Variants in NAV2 observed in about 807,000 individuals in gnomAD.
The protein encoded by NAV2 is helicase, APC down-regulated 1.
Under a neutral mutation model 223.2 loss-of-function variants are expected in NAV2, and 54 were observed. That is an observed-to-expected ratio of 0.24 (90% CI 0.19 to 0.30). The LOEUF is 0.30. NAV2 is among the 10% of genes least tolerant of loss of function. NAV2 has a pLI of 1.00. For synonymous variants in NAV2, 1,279 were observed against 1,239.3 expected, an observed-to-expected ratio of 1.03 and a Z score of -0.67; for missense variants, 2,806 against 3,147.5, an observed-to-expected ratio of 0.89 and a Z score of 2.60.
At chr11:19,413,487 T>C (rs1231137474) in intron 1 of NAV2, among the ~76,000 whole-genome samples, 15 of 152,134 alleles carry the variant, frequency 9.9e-5, no homozygotes. Flanking sequence ...TGAAACCAAG[T>C]TGGTAAACAC....
chr11:19,635,463 T>C (rs756536339), intron 1 of NAV2, among the ~76,000 whole-genome samples: 35 of 152,218 alleles, frequency 2.3e-4, no homozygotes, highest in East Asian at 7.7e-4. Flanking sequence ...TACCTGAGGA[T>C]TGGTAATTTA....
In NAV2 at chr11:20,049,890, G is replaced by A. The variant is rs775882109; in HGVS notation, c.4425G>A (p.Arg1475=). Residue 1475 remains arginine (R), a synonymous_variant, in exon 16 of 38, where the codon AGG becomes AGA. Transcript: ENST00000349880. The part of the protein sequence containing the change: ...SPKFCRSTLP[R]KQDSDPHLDR... ...AGTTCTGCAGAAGTACTCTGCCCAGGAAACAGGACAGGTAATGACATTGCA... is the reference window on the plus strand; with the variant it reads ...AGTTCTGCAGAAGTACTCTGCCCAGAAAACAGGACAGGTAATGACATTGCA... 2.1e-5 allele frequency: 34 copies of A among 1,613,996 alleles called. No homozygotes were observed. In the Middle Eastern group the frequency reaches 4.9e-4, roughly 23 times the overall value.
chr11:20,060,639 C>T (rs1224724722), intron 19 of NAV2, among the ~76,000 whole-genome samples: 1 of 152,158 alleles, frequency 6.6e-6, no homozygotes, highest in Admixed American at 6.5e-5. Context: ...TACGTGGGCT[C>T]AGAGGGAGGA....
At chr11:19,964,755 C>T (rs941272846) in intron 10 of NAV2, among the ~76,000 whole-genome samples, 1 of 151,698 alleles carries the variant, frequency 6.6e-6, no homozygotes, top group African/African-American at 2.4e-5. Flanking sequence ...CCTGTCTCAG[C>T]CTCCCAAAAC....
chr11:19,860,181 C>A, intron 3 of NAV2, among the ~76,000 whole-genome samples: 1 of 144,806 alleles, frequency 6.9e-6, no homozygotes, highest in African/African-American at 2.6e-5. Flanking sequence ...TGACCCCCCA[C>A]CTCCCTCCCA....
At chr11:19,586,039 T>A (rs566730574) in intron 1 of NAV2, among the ~76,000 whole-genome samples, 12 of 152,360 alleles carry the variant, frequency 7.9e-5, no homozygotes, top group Non-Finnish European at 1.3e-4. Context: ...GATTTGGTGT[T>A]TTCACATAGT....
At chr11:19,416,012 G>A (rs1249092355) in intron 1 of NAV2, among the ~76,000 whole-genome samples, 1 of 152,154 alleles carries the variant, frequency 6.6e-6, no homozygotes, top group Non-Finnish European at 1.5e-5. Flanking sequence ...AAAGCTGGGA[G>A]CATTCCCTTC....
intron 1 of NAV2, among the ~76,000 whole-genome samples, chr11:19,479,766 G>A (rs1419913230): frequency 6.6e-6 from 1 of 152,188 alleles, no homozygotes; most frequent in Non-Finnish European, 1.5e-5. Flanking sequence ...GTGCAACAAG[G>A]AGATAGTGCC....
intron 18 of NAV2, among the ~76,000 whole-genome samples, chr11:20,054,864 C>A (rs1369086954): frequency 6.6e-6 from 1 of 152,146 alleles, no homozygotes; most frequent in Non-Finnish European, 1.5e-5. Flanking sequence ...TCAATGCACA[C>A]CTATATAATA....
intron 1 of NAV2, among the ~76,000 whole-genome samples, chr11:19,432,604 G>T (rs1048085836): frequency 1.3e-5 from 2 of 152,202 alleles, no homozygotes; most frequent in African/African-American, 4.8e-5. Flanking sequence ...AGAAGACATG[G>T]AGCATGGAGA....
At chr11:20,002,778 G>T (rs1203049347) in intron 11 of NAV2, among the ~76,000 whole-genome samples, 2 of 152,138 alleles carry the variant, frequency 1.3e-5, no homozygotes, top group East Asian at 3.9e-4. Context: ...GTGCCCTTCA[G>T]AAGTAACCTA....
intron 1 of NAV2, among the ~76,000 whole-genome samples, chr11:19,606,695 C>T (rs1421668447): frequency 1.3e-5 from 2 of 152,240 alleles, no homozygotes; most frequent in Non-Finnish European, 2.9e-5. Context: ...GAAGTGGAAG[C>T]ACTCTAAATT....
intron 1 of NAV2, among the ~76,000 whole-genome samples, chr11:19,674,579 G>A (rs192689095): frequency 7.2e-4 from 110 of 152,300 alleles, no homozygotes; most frequent in African/African-American, 2.4e-3. Context: ...ACAAAAGGTG[G>A]GGGCAAACCC....
chr11:20,030,990 A>G (rs958831540), intron 11 of NAV2, among the ~76,000 whole-genome samples: 5 of 152,108 alleles, frequency 3.3e-5, no homozygotes, highest in African/African-American at 1.2e-4. Flanking sequence ...ATCTTTTTAA[A>G]CCTTTCCCAG....
chr11:19,702,587 C>A (rs905714912), intron 1 of NAV2, among the ~76,000 whole-genome samples: 1 of 151,900 alleles, frequency 6.6e-6, no homozygotes, highest in African/African-American at 2.4e-5. Context: ...GAGACCAGCC[C>A]GGGCAACATG....
intron 1 of NAV2, among the ~76,000 whole-genome samples, chr11:19,411,858 C>T (rs1020934997): frequency 6.6e-6 from 1 of 152,126 alleles, no homozygotes; most frequent in African/African-American, 2.4e-5. Context: ...TAAATGTCCC[C>T]ATTACTCAGG....
At chr11:19,694,640 G>A (rs781442223) in intron 1 of NAV2, among the ~76,000 whole-genome samples, 1 of 152,312 alleles carries the variant, frequency 6.6e-6, no homozygotes, top group Non-Finnish European at 1.5e-5. Flanking sequence ...AACTCCCACT[G>A]TCACTTCCAA....
chr11:19,665,309 T>A (rs142373263), intron 1 of NAV2, among the ~76,000 whole-genome samples: 1 of 152,362 alleles, frequency 6.6e-6, no homozygotes, highest in Non-Finnish European at 1.5e-5. Flanking sequence ...CACAGTTCTC[T>A]GGACCAGTGC....
At chr11:19,537,813 T>C (rs778482443) in intron 1 of NAV2, among the ~76,000 whole-genome samples, 1 of 152,244 alleles carries the variant, frequency 6.6e-6, no homozygotes, top group African/African-American at 2.4e-5. Context: ...CTTGGGCAAG[T>C]TATTTAATGT....
Sources: allele counts gnomAD v4.1 joint callset (sites outside exome capture counted in the v4.1 genomes callset), GRCh38; gene constraint gnomAD v4.1.1; transcripts MANE v1.5; gene names NCBI Gene and HGNC (gene_info 2026-07-23, HGNC 2026-07-21).